The following CABCOCO1 variants were observed in gnomAD, a reference collection of about 807,000 sequenced individuals.
CABCOCO1 encodes ciliary-associated calcium-binding coiled-coil protein 1.
A neutral mutation model predicts 35.7 loss-of-function variants in CABCOCO1; 28 were observed. That is an observed-to-expected ratio of 0.78 (90% CI 0.58 to 1.07). The LOEUF (loss-of-function observed/expected upper bound fraction) is 1.07, where lower values mean the gene tolerates loss of function less well. Ranked by LOEUF, CABCOCO1 falls within the 50% of genes least tolerant of loss-of-function variation. The pLI, the probability that CABCOCO1 is intolerant of heterozygous loss-of-function variation, is 0.00. For missense variants in CABCOCO1, 326 were observed against 309.2 expected (o/e 1.05, Z -0.41); for synonymous variants, 95 against 100.1 (o/e 0.95, Z 0.30).
intron 3 of CABCOCO1, 88 bp from the exon 4 acceptor site, chr10:61,685,953 T>C: frequency 8.7e-7 from 1 of 1,151,464 alleles, no homozygotes; most frequent in Non-Finnish European, 1.2e-6. Flanking sequence ...ACAAAGTAAA[T>C]TTTGGCACAT....
At chr10:61,663,963 G>C (rs776704357) in intron 1 of CABCOCO1, among the ~76,000 whole-genome samples, 3 of 151,672 alleles carry the variant, frequency 2.0e-5, no homozygotes, top group Non-Finnish European at 4.4e-5. Flanking sequence ...TTCCTTATTC[G>C]TTGGTCTAAA....
At chr10:61,667,071 GTATA>G (rs1366252930) in intron 1 of CABCOCO1, among the ~76,000 whole-genome samples, 2 of 134,644 alleles carry the variant, frequency 1.5e-5, no homozygotes, top group East Asian at 4.1e-4. Context: ...ATAAATATAA[GTATA>G]TATTATATAT....
chr10:61,672,545 C>T (rs1189924158), intron 1 of CABCOCO1, among the ~76,000 whole-genome samples, 87 bp from the exon 2 acceptor site: 1 of 152,206 alleles, frequency 6.6e-6, no homozygotes, highest in Non-Finnish European at 1.5e-5. Flanking sequence ...AGCAACTAGA[C>T]TATAAGAAGA....
intron 2 of CABCOCO1, among the ~76,000 whole-genome samples, chr10:61,679,119 A>C (rs1839618014): frequency 6.6e-6 from 1 of 152,078 alleles, no homozygotes; most frequent in Non-Finnish European, 1.5e-5. Flanking sequence ...ATCACATAAA[A>C]CCAACAAGGA....
intron 3 of CABCOCO1, among the ~76,000 whole-genome samples, chr10:61,684,640 G>A (rs1839899125): frequency 6.6e-6 from 1 of 151,992 alleles, no homozygotes; most frequent in Admixed American, 6.6e-5. Context: ...CCACATTCAG[G>A]CCCCCCACTG....
chr10:61,753,797 AGTT>A (rs1372474526), intron 5 of CABCOCO1, among the ~76,000 whole-genome samples: 1 of 152,114 alleles, frequency 6.6e-6, no homozygotes, highest in Non-Finnish European at 1.5e-5. Flanking sequence ...TCAAAAGAGA[AGTT>A]GTTTGGGACC....
chr10:61,766,055 A>C lies in CABCOCO1; in HGVS notation c.*42A>C, dbSNP rs200591927. The C allele has an allele frequency of 2.1e-5, 32 of 1,547,106 alleles. No homozygotes were observed. The Admixed American group carries it at 4.0e-4, about 19-fold the overall frequency. On this transcript the variant is annotated 3_prime_UTR_variant, in exon 8 of 8. Transcript: ENST00000648843. Reference sequence around the variant, plus strand: ...GAGTGATGCTAAACTTCACAGAAACAAACAAAACCAGCCAGAATAACAGAC... The same window carrying C: ...GAGTGATGCTAAACTTCACAGAAACCAACAAAACCAGCCAGAATAACAGAC...
intron 5 of CABCOCO1, among the ~76,000 whole-genome samples, chr10:61,754,329 G>T (rs58570798): frequency 6.6e-6 from 1 of 151,934 alleles, no homozygotes. Flanking sequence ...GGTATCTGAA[G>T]GACTGCTCTA....
chr10:61,681,025 T>C (rs1839775053), intron 2 of CABCOCO1, 118 bp from the exon 3 acceptor site: 2 of 506,846 alleles, frequency 3.9e-6, no homozygotes, highest in East Asian at 1.1e-4. Context: ...AAGCTTGATG[T>C]AACTGAATAT....
chr10:61,676,070 A>G (rs1318611761), intron 2 of CABCOCO1, among the ~76,000 whole-genome samples: 3 of 152,224 alleles, frequency 2.0e-5, no homozygotes, highest in Non-Finnish European at 2.9e-5. Flanking sequence ...TTTCCTTAGC[A>G]AGGTTAGTCT....
intron 5 of CABCOCO1, among the ~76,000 whole-genome samples, chr10:61,709,003 G>A (rs544515995): frequency 6.6e-6 from 1 of 152,172 alleles, no homozygotes; most frequent in South Asian, 2.1e-4. Flanking sequence ...CCAAATATCA[G>A]ATTACTGCCC....
chr10:61,699,851 T>C (rs1380473706), intron 5 of CABCOCO1, among the ~76,000 whole-genome samples: 1 of 152,170 alleles, frequency 6.6e-6, no homozygotes, highest in African/African-American at 2.4e-5. Context: ...TCTGGGTAAC[T>C]GACATTATTG....
intron 5 of CABCOCO1, among the ~76,000 whole-genome samples, chr10:61,740,491 G>C (rs1841525917): frequency 6.6e-6 from 1 of 152,176 alleles, no homozygotes; most frequent in Non-Finnish European, 1.5e-5. Context: ...TGATTTAAGT[G>C]ACATTTTAAG....
chr10:61,685,576 C>T (rs940563439), intron 3 of CABCOCO1, among the ~76,000 whole-genome samples: 1 of 151,998 alleles, frequency 6.6e-6, no homozygotes, highest in South Asian at 2.1e-4. Flanking sequence ...CAGCGCTATT[C>T]CTGAGACAGA....
intron 5 of CABCOCO1, among the ~76,000 whole-genome samples, chr10:61,744,163 A>G (rs958277848): frequency 2.6e-5 from 4 of 152,206 alleles, no homozygotes; most frequent in African/African-American, 9.6e-5. Context: ...TGAAAGCTTT[A>G]AGTAATTGCT....
chr10:61,695,049 A>T (rs1259418657), intron 5 of CABCOCO1, among the ~76,000 whole-genome samples: 5 of 152,120 alleles, frequency 3.3e-5, no homozygotes, highest in African/African-American at 1.2e-4. Context: ...AATAAAAATC[A>T]CACAGAAAAC....
chr10:61,704,139 G>T (rs1047715933), intron 5 of CABCOCO1, among the ~76,000 whole-genome samples: 4 of 152,082 alleles, frequency 2.6e-5, no homozygotes. Flanking sequence ...CAGGAGAATC[G>T]CTTGAACCTG....
intron 4 of CABCOCO1, 48 bp from the exon 5 acceptor site, chr10:61,690,501 T>C (rs1019654545): frequency 4.5e-6 from 6 of 1,327,806 alleles, no homozygotes; most frequent in Non-Finnish European, 6.4e-6. Context: ...ATTGTGTTTT[T>C]TTTCCTGAAA....
intron 5 of CABCOCO1, among the ~76,000 whole-genome samples, chr10:61,697,532 A>G (rs58588707): frequency 0.075 from 11,427 of 152,138 alleles, 466 homozygotes; most frequent in East Asian, 0.095. Flanking sequence ...TTGTATAAAA[A>G]CCAAAAGAAT....
Sources: allele counts gnomAD v4.1 joint callset (sites outside exome capture counted in the v4.1 genomes callset), GRCh38; gene constraint gnomAD v4.1.1; transcripts MANE v1.5; gene names NCBI Gene and HGNC (gene_info 2026-07-23, HGNC 2026-07-21).